Variants in HPR observed in about 807,000 individuals in gnomAD.
HPR encodes the protein haptoglobin-related protein.
A neutral mutation model predicts 18.5 loss-of-function variants in HPR; 17 were observed. The observed-to-expected ratio is 0.92, with a 90% confidence interval of 0.63 to 1.38. The LOEUF is 1.38. HPR is among the 40% of genes most tolerant of loss of function. The pLI, the probability that HPR is intolerant of heterozygous loss-of-function variation, is 0.00. For missense variants in HPR, 457 were observed against 432.4 expected (o/e 1.06, Z -0.51); for synonymous variants, 176 against 165.0 (o/e 1.07, Z -0.51).
At chr16:72,067,213 C>G (rs931396286) in intron 1 of HPR, among the ~76,000 whole-genome samples, 4 of 152,002 alleles carry the variant, frequency 2.6e-5, no homozygotes, top group African/African-American at 9.7e-5. Flanking sequence ...CCACCAGGAG[C>G]CCTTGATAAA....
intron 1 of HPR, among the ~76,000 whole-genome samples, chr16:72,066,484 G>A (rs1480736856): frequency 6.6e-6 from 1 of 152,094 alleles, no homozygotes; most frequent in African/African-American, 2.4e-5. Flanking sequence ...CAGCAATGCA[G>A]CCCACTGAGA....
chr16:72,075,365 G>A (rs1173989965), intron 4 of HPR, 146 bp downstream of exon 4: 4 of 940,538 alleles, frequency 4.3e-6, no homozygotes, highest in Non-Finnish European at 6.6e-6. Context: ...GCCAGGGAGA[G>A]ACTTAAGCAG....
At chr16:72,067,244 A>C (rs550227805) in intron 1 of HPR, among the ~76,000 whole-genome samples, 9 of 152,290 alleles carry the variant, frequency 5.9e-5, no homozygotes, top group African/African-American at 1.9e-4. Context: ...GGACCTACAC[A>C]TGAGCTTATC....
intron 1 of HPR, 137 bp from the exon 2 acceptor site, chr16:72,073,755 T>A: frequency 6.3e-7 from 1 of 1,580,968 alleles, no homozygotes; most frequent in South Asian, 1.1e-5. Flanking sequence ...TCTGGCTGCT[T>A]AGTGGGAGGA....
At chr16:72,068,197 A>AT (rs1423608121) in intron 1 of HPR, among the ~76,000 whole-genome samples, 2 of 152,172 alleles carry the variant, frequency 1.3e-5, no homozygotes, top group Admixed American at 6.5e-5. Context: ...TTCTCTACAC[A>AT]TATTTTTGAC....
chr16:72,063,511 G>T lies in HPR; in HGVS notation c.5+251G>T, dbSNP rs187602002. 8.0e-4 allele frequency among the ~76,000 whole-genome samples: 122 copies of T among 152,224 alleles called. 1 individual carries two copies. The highest frequency in any genetic ancestry group is 7.4e-5 in the Non-Finnish European group (5 of 68,018). On this transcript the variant is annotated intron_variant, in intron 1 of 4. Coordinates refer to ENST00000540303, the MANE Select transcript of HPR (RefSeq NM_020995.4). The stretch of plus-strand genomic sequence containing the variant: ...TCCTTGAGGTTACGTTTTTGTCTTT[G>T]TAGGGTATGTCATCAGCTCCCGTGG...
At chr16:72,065,830 C>G (rs1271172966) in intron 1 of HPR, among the ~76,000 whole-genome samples, 1 of 152,136 alleles carries the variant, frequency 6.6e-6, no homozygotes, top group Admixed American at 6.6e-5. Flanking sequence ...GTCAGACAAG[C>G]CGACTCCCAC....
At chr16:72,064,811 C>T (rs1007987225) in intron 1 of HPR, among the ~76,000 whole-genome samples, 20 of 152,264 alleles carry the variant, frequency 1.3e-4, no homozygotes, top group Admixed American at 8.5e-4. Context: ...AAACATTGTC[C>T]TCCGGGAAAG....
At chr16:72,073,083 G>A (rs145971661) in intron 1 of HPR, among the ~76,000 whole-genome samples, 8 of 152,216 alleles carry the variant, frequency 5.3e-5, no homozygotes, top group African/African-American at 1.7e-4. Flanking sequence ...CGGCAAAACT[G>A]ATCTTCCTGC....
At position 72,064,567 on chromosome 16, in the gene HPR, C is replaced by T. The variant is rs540665740; in HGVS notation, c.5+1307C>T. Among the ~76,000 whole-genome samples, 41 of 152,348 alleles carry T rather than the reference C, an allele frequency of 2.7e-4. 1 individual carries two copies. The East Asian group carries it at 6.6e-3, about 24-fold the overall frequency. ...GCCAACCGGGTTCGGATTGTGCAGT[C>T]CAACTCCAGCCAATGGAGTCAGGAC... On this transcript the variant is annotated intron_variant, in intron 1 of 4. Transcript: ENST00000540303.
In HPR at chr16:72,076,934, C is replaced by T. The variant is rs1377039276; in HGVS notation, c.900C>T (p.Ala300=). The change falls in exon 5 of 5, where the codon GCC becomes GCT. Residue 300 remains alanine, a synonymous_variant. Transcript: ENST00000540303. The part of the protein sequence containing the change: ...EDTCYGDAGS[A]FAVHDLEEDT... ...CCTGCTATGGCGATGCGGGCAGTGC[C>T]TTTGCCGTTCACGACCTGGAGGAGG... is the stretch of plus-strand genomic sequence containing the variant. 4 of 1,614,126 alleles carry T rather than the reference C, an allele frequency of 2.5e-6. No individual in the cohort carries two copies. The highest frequency in any genetic ancestry group is 3.4e-6 in the Non-Finnish European group (4 of 1,180,058).
At chr16:72,071,779 T>C (rs1325525541) in intron 1 of HPR, among the ~76,000 whole-genome samples, 1 of 152,122 alleles carries the variant, frequency 6.6e-6, no homozygotes, top group African/African-American at 2.4e-5. Context: ...CCTTTCACCC[T>C]GGCATTTCAT....
intron 1 of HPR, among the ~76,000 whole-genome samples, chr16:72,068,831 G>C (rs1228310475): frequency 1.3e-5 from 2 of 152,120 alleles, no homozygotes; most frequent in Non-Finnish European, 2.9e-5. Flanking sequence ...AAGCAGGAAG[G>C]TGACTAACTG....
At chr16:72,064,999 G>A (rs2041582799) in intron 1 of HPR, among the ~76,000 whole-genome samples, 2 of 152,196 alleles carry the variant, frequency 1.3e-5, no homozygotes, top group South Asian at 4.1e-4. Flanking sequence ...ACCAAGGTAA[G>A]AAATGTCGCA....
chr16:72,075,870 C>T (rs1465336375), intron 4 of HPR, among the ~76,000 whole-genome samples: 5 of 146,606 alleles, frequency 3.4e-5, no homozygotes, highest in Non-Finnish European at 7.4e-5. Context: ...TTGCTCTCGT[C>T]GCCTAGGCTG....
intron 4 of HPR, among the ~76,000 whole-genome samples, chr16:72,075,427 A>G (rs574366146): frequency 5.6e-4 from 85 of 152,222 alleles, no homozygotes; most frequent in Non-Finnish European, 9.7e-4. Flanking sequence ...TGGGGCCTGA[A>G]GGGCACTGGC....
At chr16:72,069,481 T>C (rs760246243) in intron 1 of HPR, among the ~76,000 whole-genome samples, 4 of 152,214 alleles carry the variant, frequency 2.6e-5, no homozygotes, top group South Asian at 4.1e-4. Flanking sequence ...TTCTCTTCCA[T>C]TGAAAAAGAA....
chr16:72,072,070 A>G (rs1259758655), intron 1 of HPR, among the ~76,000 whole-genome samples: 6 of 151,924 alleles, frequency 3.9e-5, no homozygotes, highest in Non-Finnish European at 8.8e-5. Context: ...ATGCAATGGC[A>G]TGATCTCGGC....
chr16:72,069,594 A>T (rs1323337457), intron 1 of HPR, among the ~76,000 whole-genome samples: 1 of 152,210 alleles, frequency 6.6e-6, no homozygotes, highest in East Asian at 1.9e-4. Context: ...TCTAGTCTCA[A>T]CTATATCTGA....
Sources: gnomAD v4.1 joint callset for allele counts (sites outside exome capture counted in the v4.1 genomes callset) on GRCh38, gnomAD v4.1.1 for gene constraint, MANE v1.5 for transcripts, NCBI Gene and HGNC (gene_info 2026-07-23, HGNC 2026-07-21) for gene names.